STK17A: variants seen among roughly 807,000 people sequenced by gnomAD.
STK17A encodes the protein serine/threonine kinase 17a.
STK17A carries 26 observed loss-of-function variants against 43.7 expected under a neutral mutation model. The ratio of observed to expected loss-of-function variants is 0.60; its 90% CI spans 0.44 to 0.83. The LOEUF (loss-of-function observed/expected upper bound fraction) is 0.83. Ranked by LOEUF, STK17A falls within the 40% of genes least tolerant of loss-of-function variation. The pLI, the probability that STK17A is intolerant of heterozygous loss-of-function variation, is 0.00. For missense variants in STK17A, 476 were observed against 511.6 expected (o/e 0.93, Z 0.67); for synonymous variants, 191 against 182.5 (o/e 1.05, Z -0.38).
chr7:43,583,649 C>A (rs1345332618), intron 1 of STK17A, among the ~76,000 whole-genome samples, 200 bp downstream of exon 1: 1 of 152,184 alleles, frequency 6.6e-6, no homozygotes, highest in Non-Finnish European at 1.5e-5. Flanking sequence ...CCACGCGCCG[C>A]GCCCAGCAAG....
At position 43,583,215 on chromosome 7, in the gene STK17A, C is replaced by T. The variant is rs1161147536; in HGVS notation, c.-29C>T. Reference sequence around the variant, plus strand: ...CCTCCGGCTGCTCGGAGTGAACAGGCGGCCAGGAAAGAAGCGGGCCTGAAC... The same window carrying T: ...CCTCCGGCTGCTCGGAGTGAACAGGTGGCCAGGAAAGAAGCGGGCCTGAAC... On this transcript the variant is annotated 5_prime_UTR_variant, in exon 1 of 7. Coordinates refer to ENST00000319357, the MANE Select transcript of STK17A (RefSeq NM_004760.3). 1.9e-6 allele frequency: 3 copies of T among 1,553,672 alleles called. No homozygotes were observed. Among genetic ancestry groups the T allele is most frequent in the East Asian group, 5.4e-5 (2 of 37,292 alleles).
Position 43,608,307 on chromosome 7 carries a change from CT to C in STK17A, c.474del (p.Phe158LeufsTer14). On this transcript the variant is annotated frameshift_variant, in exon 3 of 7. Transcript: ENST00000319357. LOFTEE classifies it high-confidence loss of function. ...DQCVADREEA[F>X]KEKDVQRLMR... ...AGTGTGTTGCAGACAGAGAAGAAGC[CT>C]TTAAAGAAAAAGATGTTCAAAGACT... 2.5e-6 allele frequency: 4 copies of C among 1,613,968 alleles called. No homozygotes were observed. Among genetic ancestry groups the C allele is most frequent in the Non-Finnish European group, 3.4e-6 (4 of 1,179,988 alleles).
Position 43,624,703 on chromosome 7 carries a change from A to C in STK17A, c.1106A>C (p.Glu369Ala), listed in dbSNP as rs2084302635. The C allele has an allele frequency of 8.1e-6, 13 of 1,614,116 alleles. No individual in the cohort carries two copies. Among genetic ancestry groups the C allele is most frequent in the Non-Finnish European group, 1.1e-5 (13 of 1,179,998 alleles). ...ACCAAGGAATCCATTGTAACCGAAG[A>C]GTTAATTGTAGTTACTTCATATACT... is the stretch of plus-strand genomic sequence containing the variant. Reference protein sequence around the residue: ...SETKESIVTEELIVVTSYTLG... With the variant: ...SETKESIVTEALIVVTSYTLG... The change falls in exon 7 of 7, where the codon GAG (glutamate) becomes GCG (alanine). Residue 369 changes from glutamate to alanine, a missense_variant. Glu to Ala is a moderately radical substitution (Grantham distance 107). This residue lies in a region of STK17A where 110 missense variants were observed against 103.7 expected (regional missense o/e 1.06). Coordinates refer to ENST00000319357, the MANE Select transcript of STK17A (RefSeq NM_004760.3).
rs55985321 is a variant in STK17A, at chr7:43,589,558, A to G, written c.206+6109A>G. 6.4e-3 allele frequency among the ~76,000 whole-genome samples: 966 copies of G among 152,100 alleles called. 49 individuals are homozygous for G. The highest frequency in any genetic ancestry group is 0.011 in the Non-Finnish European group (714 of 67,892). ...TGGGATTCTCTTTACCAAAAAAGGC[A>G]GCTCAACCTTCTGTCCAACTATAAC... On this transcript the variant is annotated intron_variant, in intron 1 of 6. Coordinates refer to ENST00000319357, the MANE Select transcript of STK17A (RefSeq NM_004760.3).
intron 2 of STK17A, among the ~76,000 whole-genome samples, chr7:43,599,912 G>C (rs1242609489): frequency 1.3e-5 from 2 of 151,580 alleles, no homozygotes; most frequent in Non-Finnish European, 2.9e-5. Flanking sequence ...CTGGAGTTCT[G>C]ATGTCCACAG....
chr7:43,615,255 A>C (rs2083240669), intron 3 of STK17A, among the ~76,000 whole-genome samples: 1 of 152,180 alleles, frequency 6.6e-6, no homozygotes, highest in African/African-American at 2.4e-5. Flanking sequence ...GGCTCACTGC[A>C]ACCTCTGCCT....
chr7:43,587,130 AATG>A (rs984078343), intron 1 of STK17A, among the ~76,000 whole-genome samples: 2 of 150,210 alleles, frequency 1.3e-5, no homozygotes, highest in Non-Finnish European at 3.0e-5. Context: ...ATTTTAATGA[AATG>A]ATATGTTTTT....
chr7:43,623,802 G>T lies in STK17A; in HGVS notation c.834G>T (p.Met278Ile), dbSNP rs376734546. Residue 278 changes from methionine (M) to isoleucine (I), a missense_variant, in exon 6 of 7, where the codon ATG becomes ATT. Physicochemically the swap from Met to Ile is conservative, Grantham distance 10. This residue lies in a region of STK17A where 46 missense variants were observed against 81.6 expected (regional missense o/e 0.56). Coordinates refer to ENST00000319357, the MANE Select transcript of STK17A (RefSeq NM_004760.3). ...KQETFLNISQ[M>I]NLSYSEEEFD... is the part of the protein sequence containing the mutation. Reference sequence around the variant, plus strand: ...AAACATTCTTAAACATCTCACAGATGAATTTAAGTTATTCTGAGGAAGAAT... The same window carrying T: ...AAACATTCTTAAACATCTCACAGATTAATTTAAGTTATTCTGAGGAAGAAT... 6.1e-5 allele frequency: 98 copies of T among 1,607,086 alleles called. No homozygotes were observed. Among genetic ancestry groups the T allele is most frequent in the Non-Finnish European group, 7.8e-5 (92 of 1,178,068 alleles).
Position 43,625,945 on chromosome 7 carries a change from A to G in STK17A, c.*1103A>G, listed in dbSNP as rs1019995561. 4.6e-5 allele frequency: 7 copies of G among 152,250 alleles called. No homozygotes were observed. Among genetic ancestry groups the G allele is most frequent in the African/African-American group, 1.2e-4 (5 of 41,466 alleles). The allele number at this position is 152,250 out of a possible 1,614,324, so 9.4% of individuals were successfully genotyped here. The stretch of plus-strand genomic sequence containing the variant: ...GAGGTACTTTGTCCCAAAAAGATGT[A>G]TAAGAATGTACTAATAGTTTTATTT... On this transcript the variant is annotated 3_prime_UTR_variant, in exon 7 of 7. Transcript: ENST00000319357.
intron 3 of STK17A, among the ~76,000 whole-genome samples, chr7:43,610,696 G>C (rs542450584): frequency 1.1e-4 from 16 of 152,114 alleles, no homozygotes; most frequent in Non-Finnish European, 8.8e-5. Context: ...GGCACATTCC[G>C]TAATACCTTT....
At chr7:43,622,744 A>C (rs924827637) in intron 4 of STK17A, 1 of 150,988 alleles carries the variant, frequency 6.6e-6, no homozygotes, top group Non-Finnish European at 1.5e-5. Context: ...CCTATCACCC[A>C]GGCTGGAGTG....
intron 2 of STK17A, among the ~76,000 whole-genome samples, chr7:43,607,184 A>G (rs1211602667): frequency 6.6e-6 from 1 of 151,632 alleles, no homozygotes; most frequent in Admixed American, 6.6e-5. Context: ...CAGCCTCCCA[A>G]GGTGCTGGGA....
chr7:43,614,914 A>C (rs1289058714), intron 3 of STK17A, among the ~76,000 whole-genome samples: 2 of 152,268 alleles, frequency 1.3e-5, no homozygotes, highest in East Asian at 3.8e-4. Flanking sequence ...GTGTAAATAC[A>C]TAAAAGGGAA....
At position 43,583,281 on chromosome 7, in the gene STK17A, C is replaced by A. The variant is rs768916742; in HGVS notation, c.38C>A (p.Ser13Tyr). ...PLEKPGSGGSSPGATSGSGRA... is the reference protein window; with the variant it reads ...PLEKPGSGGSYPGATSGSGRA... ...GAGAAGCCAGGCAGCGGCGGCTCCTCCCCAGGCGCCACCTCAGGCTCGGGC... is the reference window on the plus strand; with the variant it reads ...GAGAAGCCAGGCAGCGGCGGCTCCTACCCAGGCGCCACCTCAGGCTCGGGC... The change falls in exon 1 of 7, where the codon TCC becomes TAC. Residue 13 changes from serine (S) to tyrosine (Y), a missense_variant. Ser to Tyr is a moderately radical substitution (Grantham distance 144, BLOSUM62 -2). This residue lies in a region of STK17A where 320 missense variants were observed against 326.3 expected (regional missense o/e 0.98). Transcript: ENST00000319357. 6 of 1,543,036 alleles carry A rather than the reference C, an allele frequency of 3.9e-6. No homozygotes were observed. The highest frequency in any genetic ancestry group is 5.2e-6 in the Non-Finnish European group (6 of 1,147,788).
At chr7:43,587,253 C>G (rs2082449930) in intron 1 of STK17A, among the ~76,000 whole-genome samples, 1 of 142,024 alleles carries the variant, frequency 7.0e-6, no homozygotes, top group African/African-American at 2.5e-5. Context: ...CTCCTGGGTT[C>G]ACGCCATTCT....
intron 4 of STK17A, chr7:43,623,369 T>G (rs1388309838): frequency 1.8e-6 from 1 of 548,972 alleles, no homozygotes; most frequent in Admixed American, 3.6e-5. Context: ...CAATGGTGGG[T>G]AGAAGTGTGA....
intron 1 of STK17A, 126 bp downstream of exon 1, chr7:43,583,575 G>A: frequency 4.5e-6 from 4 of 888,638 alleles, no homozygotes; most frequent in Non-Finnish European, 5.9e-6. Flanking sequence ...AACGCGCGTT[G>A]TGACTTGGCA....
At chr7:43,605,667 C>T in intron 2 of STK17A, among the ~76,000 whole-genome samples, 1 of 151,838 alleles carries the variant, frequency 6.6e-6, no homozygotes, top group East Asian at 1.9e-4. Context: ...TCCACTTCTG[C>T]TTGGGTTCCT....
In STK17A at chr7:43,583,157, A is replaced by G; in HGVS notation, c.-87A>G. 2.1e-6 allele frequency: 3 copies of G among 1,415,252 alleles called. No individual in the cohort carries two copies. Among genetic ancestry groups the G allele is most frequent in the Non-Finnish European group, 2.9e-6 (3 of 1,046,882 alleles). The allele number at this position is 1,415,252 out of a possible 1,614,324, so 87.7% of individuals were successfully genotyped here. On this transcript the variant is annotated 5_prime_UTR_variant, in exon 1 of 7. Transcript: ENST00000319357. ...GAGCGGGTGTTTGAAGGCTCCGCGG[A>G]CCGGCACTAGGAGCCGGGGGCGGGT...
Sources: allele counts gnomAD v4.1 joint callset (sites outside exome capture counted in the v4.1 genomes callset), GRCh38; gene constraint gnomAD v4.1.1; regional missense constraint gnomAD v4.1.1; transcripts MANE v1.5; gene names NCBI Gene and HGNC (gene_info 2026-07-23, HGNC 2026-07-21).